Variants in PARD3 observed in about 807,000 individuals in gnomAD.
PARD3 encodes the protein par-3 family cell polarity regulator.
A neutral mutation model predicts 155.4 loss-of-function variants in PARD3; 75 were observed. The ratio of observed to expected loss-of-function variants is 0.48; its 90% CI spans 0.40 to 0.58. The LOEUF is 0.58. Among genes scored for constraint, PARD3 ranks in the 20% least tolerant of loss-of-function variants. The pLI is 0.00. For synonymous variants in PARD3, 576 were observed against 610.5 expected, an observed-to-expected ratio of 0.94 and a Z score of 0.83; for missense variants, 1,642 against 1,721.7, an observed-to-expected ratio of 0.95 and a Z score of 0.82.
intron 20 of PARD3, among the ~76,000 whole-genome samples, chr10:34,292,728 T>G (rs149409612): frequency 1.3e-4 from 20 of 152,190 alleles, no homozygotes; most frequent in East Asian, 7.7e-4. Context: ...TATTATTTTT[T>G]TTTTTAAAGA....
At chr10:34,740,593 C>T (rs999012524) in intron 1 of PARD3, among the ~76,000 whole-genome samples, 4 of 152,080 alleles carry the variant, frequency 2.6e-5, no homozygotes, top group Admixed American at 2.6e-4. Context: ...CCTCCCACTC[C>T]TCCTACCTGT....
At chr10:34,745,878 A>T (rs1332495995) in intron 1 of PARD3, among the ~76,000 whole-genome samples, 1 of 152,194 alleles carries the variant, frequency 6.6e-6, no homozygotes, top group Non-Finnish European at 1.5e-5. Flanking sequence ...AGGCACGCAG[A>T]TCACGAGGTC....
chr10:34,561,787 G>A (rs1036075022), intron 2 of PARD3, among the ~76,000 whole-genome samples: 1 of 151,382 alleles, frequency 6.6e-6, no homozygotes, highest in Non-Finnish European at 1.5e-5. Flanking sequence ...CAAAGTGCTG[G>A]GATTACAGGC....
chr10:34,767,502 A>G (rs532963868), intron 1 of PARD3, among the ~76,000 whole-genome samples: 2 of 152,114 alleles, frequency 1.3e-5, no homozygotes, highest in South Asian at 4.2e-4. Flanking sequence ...TTTTAATTCA[A>G]CCTCATTAAT....
chr10:34,517,110 G>T lies in PARD3; in HGVS notation c.272C>A (p.Thr91Asn). ...CTGGGTACCCGTGGAACTGGCACTG[G>T]TGCCATCACCTCCGTGATGTGGATC... is the stretch of plus-strand genomic sequence containing the variant. ...EQDPHHGGDG[T>N]SASSTGTQSP... The change falls in exon 3 of 25, where the codon ACC becomes AAC. Residue 91 changes from threonine to asparagine, a missense_variant. By Grantham distance (65) the Thr-to-Asn change is moderately conservative (BLOSUM62 0). Transcript: ENST00000374788. 1 of 1,614,156 alleles carries T rather than the reference G, an allele frequency of 6.2e-7. No individual in the cohort carries two copies. Among genetic ancestry groups the T allele is most frequent in the Non-Finnish European group, 8.5e-7 (1 of 1,180,006 alleles).
At chr10:34,304,402 T>A (rs1264741398) in intron 20 of PARD3, among the ~76,000 whole-genome samples, 1 of 151,182 alleles carries the variant, frequency 6.6e-6, no homozygotes, top group Non-Finnish European at 1.5e-5. Flanking sequence ...GCTATAGAAA[T>A]CAAGTAGGAA....
intron 4 of PARD3, among the ~76,000 whole-genome samples, chr10:34,457,996 A>G (rs1311670507): frequency 6.6e-6 from 1 of 152,162 alleles, no homozygotes; most frequent in African/African-American, 2.4e-5. Flanking sequence ...TCTGATATCT[A>G]GTCACTGCTA....
chr10:34,507,894 C>T (rs2133513631), intron 3 of PARD3, among the ~76,000 whole-genome samples: 2 of 152,260 alleles, frequency 1.3e-5, no homozygotes, highest in South Asian at 4.1e-4. Context: ...TGCCATGCTC[C>T]ACTTCACAAG....
intron 22 of PARD3, among the ~76,000 whole-genome samples, chr10:34,165,725 C>T (rs575274015): frequency 1.8e-4 from 27 of 152,290 alleles, no homozygotes; most frequent in Non-Finnish European, 3.7e-4. Context: ...TTGACTAAAA[C>T]GTTAATTTTC....
intron 2 of PARD3, among the ~76,000 whole-genome samples, chr10:34,635,632 G>A (rs767576882): frequency 3.9e-5 from 6 of 152,134 alleles, no homozygotes; most frequent in Admixed American, 1.3e-4. Context: ...CCTTGAGGTT[G>A]GTCAACTGGT....
chr10:34,470,163 T>A lies in PARD3; in HGVS notation c.504A>T (p.Lys168Asn). 6.2e-7 allele frequency: 1 copy of A among 1,613,452 alleles called. No homozygotes were observed. ...CTGTTGTTGACCAGCGTGTGGGATT[T>A]TTCCTTGAAGGCTCTTCAGAGGAAA... ...SNFSSEEPSR[K>N]NPTRWSTTAG... Residue 168 changes from lysine (K) to asparagine (N), a missense_variant, in exon 4 of 25, where the codon AAA becomes AAT. This residue lies in a region of PARD3 where 1,529 missense variants were observed against 1,587.3 expected (regional missense o/e 0.96). Transcript: ENST00000374788.
chr10:34,741,054 G>A (rs1040297755), intron 1 of PARD3, among the ~76,000 whole-genome samples: 3 of 151,946 alleles, frequency 2.0e-5, no homozygotes, highest in Non-Finnish European at 2.9e-5. Flanking sequence ...TGGCCTATTT[G>A]TGGGTGAACA....
At chr10:34,542,234 T>TGTGTGTGTGTGCGCAC (rs143582528) in intron 2 of PARD3, among the ~76,000 whole-genome samples, 2 of 146,198 alleles carry the variant, frequency 1.4e-5, no homozygotes, top group African/African-American at 5.1e-5. Flanking sequence ...TGTGTGTGTG[T>TGTGTGTGTGTGCGCAC]GTGTGCACAC....
intron 5 of PARD3, among the ~76,000 whole-genome samples, chr10:34,411,146 A>G (rs1221708043): frequency 1.3e-5 from 2 of 152,170 alleles, no homozygotes; most frequent in South Asian, 2.1e-4. Flanking sequence ...GCTCTAACAG[A>G]CAGAGATGGG....
At chr10:34,471,886 G>T (rs929084385) in intron 3 of PARD3, among the ~76,000 whole-genome samples, 2 of 152,184 alleles carry the variant, frequency 1.3e-5, no homozygotes, top group Non-Finnish European at 2.9e-5. Flanking sequence ...CCATGAAGCA[G>T]TAAACTCATC....
At chr10:34,461,448 T>TA (rs1449954823) in intron 4 of PARD3, among the ~76,000 whole-genome samples, 1 of 151,874 alleles carries the variant, frequency 6.6e-6, no homozygotes, top group African/African-American at 2.4e-5. Context: ...CTACTAAAAA[T>TA]ACAAAAAATT....
chr10:34,228,728 C>A (rs535600752), intron 22 of PARD3, among the ~76,000 whole-genome samples: 5 of 152,150 alleles, frequency 3.3e-5, no homozygotes, highest in South Asian at 2.1e-4. Flanking sequence ...TTAAGCAGCA[C>A]AGGAGCTGAA....
chr10:34,414,737 G>A (rs1257930811), intron 5 of PARD3, among the ~76,000 whole-genome samples: 3 of 151,890 alleles, frequency 2.0e-5, no homozygotes, highest in Admixed American at 6.6e-5. Context: ...CATACCCAAG[G>A]TGATAGACAT....
At chr10:34,149,427 T>A (rs1476251764) in intron 22 of PARD3, among the ~76,000 whole-genome samples, 1 of 152,128 alleles carries the variant, frequency 6.6e-6, no homozygotes, top group Non-Finnish European at 1.5e-5. Context: ...CAGGAAAATA[T>A]CTTTACAATG....
Sources: gnomAD v4.1 joint callset for allele counts (sites outside exome capture counted in the v4.1 genomes callset) on GRCh38, gnomAD v4.1.1 for gene constraint, gnomAD v4.1.1 regional missense constraint, MANE v1.5 for transcripts, NCBI Gene and HGNC (gene_info 2026-07-23, HGNC 2026-07-21) for gene names.